The following THSD7A variants were observed in gnomAD, a reference collection of about 807,000 sequenced individuals.
The protein encoded by THSD7A is thrombospondin type-1 domain-containing protein 7A.
Under a neutral mutation model 231.3 loss-of-function variants are expected in THSD7A, and 96 were observed. That is an observed-to-expected ratio of 0.41 (90% CI 0.35 to 0.49). The LOEUF (loss-of-function observed/expected upper bound fraction) is 0.49. THSD7A is among the 20% of genes least tolerant of loss of function. The pLI, the probability that THSD7A is intolerant of heterozygous loss-of-function variation, is 0.05. For synonymous variants in THSD7A, 940 were observed against 743.3 expected (o/e 1.26, Z -4.30); for missense variants, 2,290 against 2,070.2 (o/e 1.11, Z -2.06).
At chr7:11,716,579 C>T (rs181768353) in intron 1 of THSD7A, among the ~76,000 whole-genome samples, 104 of 151,666 alleles carry the variant, frequency 6.9e-4, no homozygotes, top group African/African-American at 2.2e-3. Context: ...AAACTTTTCT[C>T]ACTAAATTCT....
chr7:11,707,590 C>T (rs1010050148), intron 1 of THSD7A, among the ~76,000 whole-genome samples: 11 of 150,912 alleles, frequency 7.3e-5, no homozygotes, highest in Non-Finnish European at 1.6e-4. Context: ...GCCTGGCAGG[C>T]AAAACCATCA....
chr7:11,783,794 T>G (rs557102591), intron 1 of THSD7A, among the ~76,000 whole-genome samples: 2 of 152,050 alleles, frequency 1.3e-5, no homozygotes, highest in Non-Finnish European at 2.9e-5. Flanking sequence ...AGTCTAGAAA[T>G]AGGAAGGAAA....
At chr7:11,468,611 A>C (rs1293259608) in intron 9 of THSD7A, among the ~76,000 whole-genome samples, 1 of 152,056 alleles carries the variant, frequency 6.6e-6, no homozygotes. Context: ...AGATGGGTGG[A>C]TCACTTGAGG....
Position 11,426,688 on chromosome 7 carries a change from C to A in THSD7A, c.3244-17G>T. The A allele has an allele frequency of 6.4e-7, 1 of 1,559,942 alleles. No individual in the cohort carries two copies. Among genetic ancestry groups the A allele is most frequent in the South Asian group, 1.2e-5 (1 of 85,088 alleles). On this transcript the variant is annotated splice_polypyrimidine_tract_variant and intron_variant, in intron 14 of 27. Transcript: ENST00000423059. ...TACCTGTGCCTGGAGTGGTGTTCAA[C>A]AGGAATGATGAAAAGGGAGAGAAAT...
chr7:11,827,709 C>T (rs1436155474), intron 1 of THSD7A, among the ~76,000 whole-genome samples: 1 of 152,176 alleles, frequency 6.6e-6, no homozygotes, highest in African/African-American at 2.4e-5. Flanking sequence ...CTTACATCTT[C>T]AGCCTAACTC....
Position 11,460,698 on chromosome 7 carries a change from C to G in THSD7A, c.2569G>C (p.Ala857Pro), listed in dbSNP as rs1785473155. Residue 857 changes from alanine (A) to proline (P), a missense_variant, in exon 11 of 28, where the codon GCA (alanine) becomes CCA (proline). Physicochemically the swap from Ala to Pro is conservative, Grantham distance 27. Coordinates refer to ENST00000423059, the MANE Select transcript of THSD7A (RefSeq NM_015204.3). ...PWSVQQDSPG[A>P]QEGCGPGRQA... Reference sequence around the variant, plus strand: ...CGCCCAGGCCCACAGCCTTCCTGTGCTCCAGGGCTGTCTTGTTGCACGCTC... The same window carrying G: ...CGCCCAGGCCCACAGCCTTCCTGTGGTCCAGGGCTGTCTTGTTGCACGCTC... The G allele has an allele frequency of 6.2e-7, 1 of 1,612,050 alleles. No individual in the cohort carries two copies. Among genetic ancestry groups the G allele is most frequent in the Non-Finnish European group, 8.5e-7 (1 of 1,179,180 alleles).
Position 11,709,934 on chromosome 7 carries a change from A to G in THSD7A, c.191-72973T>C, listed in dbSNP as rs77580317. Among the ~76,000 whole-genome samples, 9 of 150,970 alleles carry G rather than the reference A, an allele frequency of 6.0e-5. No individual in the cohort carries two copies. The East Asian group carries it at 1.6e-3, about 26-fold the overall frequency. On this transcript the variant is annotated intron_variant, in intron 1 of 27. Transcript: ENST00000423059. ...TTCCTGCTTGCACACAACTTCATGT[A>G]TGCAGACTTGCTGACTGCTAACTCT...
rs76560925 is a variant in THSD7A, at chr7:11,423,932, A to T, written c.3383+764T>A. On this transcript the variant is annotated intron_variant, in intron 16 of 27. Coordinates refer to ENST00000423059, the MANE Select transcript of THSD7A (RefSeq NM_015204.3). The stretch of plus-strand genomic sequence containing the variant: ...GTTAGGCAGTAGGGAATTCCTATGA[A>T]TATGTGGGGTCTCTGTTTTAAGAAA... 5.5e-3 allele frequency among the ~76,000 whole-genome samples: 844 copies of T among 152,276 alleles called. 10 individuals are homozygous for T. Among genetic ancestry groups the T allele is most frequent in the African/African-American group, 0.019 (806 of 41,558 alleles).
chr7:11,477,789 T>C (rs1786254222), intron 7 of THSD7A, among the ~76,000 whole-genome samples: 1 of 152,152 alleles, frequency 6.6e-6, no homozygotes, highest in South Asian at 2.1e-4. Context: ...ACAATAGTAT[T>C]AGAAACCAAG....
At chr7:11,576,867 C>T (rs1390363549) in intron 4 of THSD7A, among the ~76,000 whole-genome samples, 1 of 152,116 alleles carries the variant, frequency 6.6e-6, no homozygotes, top group Non-Finnish European at 1.5e-5. Context: ...ACATTATCAG[C>T]TAATAGGATG....
At chr7:11,462,243 T>A (rs1201004405) in intron 9 of THSD7A, 100 bp from the exon 10 acceptor site, 6 of 1,320,734 alleles carry the variant, frequency 4.5e-6, no homozygotes, top group Non-Finnish European at 6.2e-6. Flanking sequence ...CAGCTACATG[T>A]GCTTTGACAT....
At chr7:11,801,158 A>G (rs989810392) in intron 1 of THSD7A, among the ~76,000 whole-genome samples, 1 of 152,134 alleles carries the variant, frequency 6.6e-6, no homozygotes, top group Non-Finnish European at 1.5e-5. Flanking sequence ...TTTAATGAAA[A>G]CAAGATGTAT....
At chr7:11,696,671 T>A (rs74752461) in intron 1 of THSD7A, among the ~76,000 whole-genome samples, 3 of 150,578 alleles carry the variant, frequency 2.0e-5, no homozygotes, top group African/African-American at 7.3e-5. Context: ...TACCTAGAAA[T>A]ACAACTTACA....
In THSD7A at chr7:11,636,332, C is replaced by T. The variant is rs760079173; in HGVS notation, c.820G>A (p.Ala274Thr). The T allele has an allele frequency of 3.7e-6, 6 of 1,613,784 alleles. No individual in the cohort carries two copies. In the Admixed American group the frequency reaches 8.3e-5, roughly 22 times the overall value. ...SMPHSRQVRQARRRGKNKERE... is the reference protein window; with the variant it reads ...SMPHSRQVRQTRRRGKNKERE... Reference sequence around the variant, plus strand: ...TCTTTATTCTTCCCGCGTCTCCTTGCTTGTCTTACTTGTCGGGAGTGGGGC... The same window carrying T: ...TCTTTATTCTTCCCGCGTCTCCTTGTTTGTCTTACTTGTCGGGAGTGGGGC... Residue 274 changes from alanine to threonine, a missense_variant, in exon 2 of 28, where the codon GCA (alanine) becomes ACA (threonine). Coordinates refer to ENST00000423059, the MANE Select transcript of THSD7A (RefSeq NM_015204.3). The surrounding 1 kb of genome is among the most constrained non-coding windows in gnomAD (Gnocchi z 10.0).
intron 4 of THSD7A, among the ~76,000 whole-genome samples, chr7:11,555,439 T>G (rs956301105): frequency 2.0e-5 from 3 of 151,964 alleles, no homozygotes; most frequent in Non-Finnish European, 4.4e-5. Flanking sequence ...CAGAGAACAC[T>G]CTATAAATTA....
At chr7:11,670,232 C>G (rs1240780349) in intron 1 of THSD7A, among the ~76,000 whole-genome samples, 3 of 152,090 alleles carry the variant, frequency 2.0e-5, no homozygotes, top group Non-Finnish European at 2.9e-5. Context: ...TAGTTTTACA[C>G]CAGATTCTGG....
chr7:11,784,353 C>T (rs1188020590), intron 1 of THSD7A, among the ~76,000 whole-genome samples: 1 of 151,270 alleles, frequency 6.6e-6, no homozygotes, highest in Non-Finnish European at 1.5e-5. Flanking sequence ...AAAAATTTTG[C>T]ATTTTTGAAA....
intron 4 of THSD7A, among the ~76,000 whole-genome samples, chr7:11,579,714 T>A (rs1050339166): frequency 2.0e-5 from 3 of 152,122 alleles, no homozygotes; most frequent in Non-Finnish European, 4.4e-5. Context: ...GATCTAAAAC[T>A]GGGGGGTCAA....
chr7:11,530,976 A>G (rs1788685932), intron 6 of THSD7A, among the ~76,000 whole-genome samples: 1 of 152,136 alleles, frequency 6.6e-6, no homozygotes, highest in Non-Finnish European at 1.5e-5. Context: ...GTGCCACTGC[A>G]CTCCAGCCTG....
Sources: allele counts gnomAD v4.1 joint callset (sites outside exome capture counted in the v4.1 genomes callset), GRCh38; gene constraint gnomAD v4.1.1; non-coding constraint Gnocchi (gnomAD v3.1); transcripts MANE v1.5; gene names NCBI Gene and HGNC (gene_info 2026-07-23, HGNC 2026-07-21).